ADGRL3: variants seen among roughly 807,000 people sequenced by gnomAD.
The protein encoded by ADGRL3 is adhesion G protein-coupled receptor L3.
ADGRL3 carries 62 observed loss-of-function variants against 153.5 expected under a neutral mutation model. That is an observed-to-expected ratio of 0.40 (90% CI 0.33 to 0.50). The LOEUF is 0.50. Ranked by LOEUF, ADGRL3 falls within the 20% of genes least tolerant of loss-of-function variation. The pLI is 0.47. For synonymous variants in ADGRL3, 710 were observed against 672.5 expected (o/e 1.06, Z -0.86); for missense variants, 1,641 against 1,859.4 (o/e 0.88, Z 2.16).
At chr4:61,589,612 G>C (rs1017716156) in intron 5 of ADGRL3, among the ~76,000 whole-genome samples, 1 of 151,902 alleles carries the variant, frequency 6.6e-6, no homozygotes, top group Non-Finnish European at 1.5e-5. Context: ...CTATATCAGA[G>C]TCTAAACGTT....
At chr4:61,594,382 G>A (rs962314462) in intron 5 of ADGRL3, among the ~76,000 whole-genome samples, 1 of 152,066 alleles carries the variant, frequency 6.6e-6, no homozygotes, top group African/African-American at 2.4e-5. Context: ...TCAGTGTTTG[G>A]TAATTAAAGA....
At chr4:61,905,821 G>T (rs1432821673) in intron 11 of ADGRL3, among the ~76,000 whole-genome samples, 1 of 151,532 alleles carries the variant, frequency 6.6e-6, no homozygotes, top group Non-Finnish European at 1.5e-5. Flanking sequence ...CTTGAACTGG[G>T]GAGACAGAGG....
intron 24 of ADGRL3, among the ~76,000 whole-genome samples, chr4:62,039,124 T>C (rs192401370): frequency 6.6e-6 from 1 of 152,178 alleles, no homozygotes; most frequent in Non-Finnish European, 1.5e-5. Context: ...CATTTTTTAT[T>C]TGATGGATGT....
At chr4:61,775,663 A>T (rs941560935) in intron 8 of ADGRL3, 1 of 1,509,816 alleles carries the variant, frequency 6.6e-7, no homozygotes, top group Admixed American at 1.7e-5. Flanking sequence ...CACCAACTTG[A>T]CATACATCAC....
chr4:62,029,363 G>A (rs72640025), intron 22 of ADGRL3, among the ~76,000 whole-genome samples: 28,728 of 151,440 alleles, frequency 0.19, 3,002 homozygotes, highest in Middle Eastern at 0.26. Flanking sequence ...AGAAAAAAAT[G>A]CCTTCTTCAA....
chr4:61,575,658 A>C (rs1227233745), intron 4 of ADGRL3, among the ~76,000 whole-genome samples: 1 of 152,084 alleles, frequency 6.6e-6, no homozygotes, highest in Non-Finnish European at 1.5e-5. Context: ...TTTGTTGGAC[A>C]AATTAATGAA....
At chr4:61,822,659 T>C (rs1429149008) in intron 9 of ADGRL3, among the ~76,000 whole-genome samples, 1 of 152,184 alleles carries the variant, frequency 6.6e-6, no homozygotes, top group Non-Finnish European at 1.5e-5. Flanking sequence ...TAGCATACTC[T>C]TTCTGCCCCT....
At chr4:61,464,031 T>C (rs2097852706) in intron 2 of ADGRL3, among the ~76,000 whole-genome samples, 1 of 152,186 alleles carries the variant, frequency 6.6e-6, no homozygotes, top group South Asian at 2.1e-4. Flanking sequence ...TACGCACATC[T>C]ACTTAACACA....
At chr4:62,066,387 C>T (rs1266110053) in intron 25 of ADGRL3, among the ~76,000 whole-genome samples, 2 of 151,940 alleles carry the variant, frequency 1.3e-5, no homozygotes, top group African/African-American at 4.8e-5. Flanking sequence ...TTGGTTGTAA[C>T]ACCATTTATT....
chr4:61,277,296 T>A (rs2093511172), intron 1 of ADGRL3, among the ~76,000 whole-genome samples: 1 of 152,146 alleles, frequency 6.6e-6, no homozygotes, highest in South Asian at 2.1e-4. Context: ...TGAATGCGAT[T>A]TTTAGAACGG....
At position 61,377,607 on chromosome 4, in the gene ADGRL3, CATAA is replaced by C. The variant is rs546141271; in HGVS notation, c.-239-5508_-239-5505del. Among the ~76,000 whole-genome samples, 704 of 152,004 alleles carry C rather than the reference CATAA, an allele frequency of 4.6e-3. 6 individuals carry two copies. Among genetic ancestry groups the C allele is most frequent in the African/African-American group, 0.016 (673 of 41,496 alleles). ...AAAAGGTGAGGGATTTTTTTCATAG[CATAA>C]ATAAATAATCAGTGAGATTTTAAAT... On this transcript the variant is annotated intron_variant, in intron 1 of 26. Transcript: ENST00000683033.
At chr4:61,286,708 A>C (rs1421552091) in intron 1 of ADGRL3, among the ~76,000 whole-genome samples, 1 of 151,618 alleles carries the variant, frequency 6.6e-6, no homozygotes, top group Admixed American at 6.6e-5. Context: ...GTAAATTCTT[A>C]TGTAAATTTA....
intron 2 of ADGRL3, among the ~76,000 whole-genome samples, chr4:61,486,049 T>C (rs1005473069): frequency 1.3e-5 from 2 of 152,094 alleles, no homozygotes; most frequent in Non-Finnish European, 2.9e-5. Flanking sequence ...GTTCACGCCA[T>C]TCTCCTGCCT....
In ADGRL3 at chr4:61,813,660, T is replaced by C. The variant is rs1196389818; in HGVS notation, c.1400-149T>C. On this transcript the variant is annotated intron_variant, in intron 8 of 26. Coordinates refer to ENST00000683033, the MANE Select transcript of ADGRL3 (RefSeq NM_001387552.1). ...AATTGGGTGATGTTCGGATGACACA[T>C]TGTTTTTATGTTTGGGCAGATATGT... 14 of 742,694 alleles carry C rather than the reference T, an allele frequency of 1.9e-5. 1 individual carries two copies. The highest frequency in any genetic ancestry group is 1.2e-4 in the East Asian group (4 of 34,640). 46.0% of individuals were successfully genotyped at this position (742,694 alleles called of 1,614,324 possible).
chr4:61,392,795 A>G (rs1251686098), intron 2 of ADGRL3, among the ~76,000 whole-genome samples: 4 of 151,536 alleles, frequency 2.6e-5, no homozygotes, highest in African/African-American at 9.7e-5. Context: ...CTAGTATACA[A>G]AACCTCTCAG....
chr4:61,212,762 G>T (rs1166882979), intron 1 of ADGRL3, among the ~76,000 whole-genome samples: 2 of 152,188 alleles, frequency 1.3e-5, no homozygotes, highest in African/African-American at 2.4e-5. Context: ...CTAATTAGCA[G>T]AAATCTTATG....
chr4:61,422,108 A>G (rs1325324111), intron 2 of ADGRL3, among the ~76,000 whole-genome samples: 1 of 152,170 alleles, frequency 6.6e-6, no homozygotes, highest in South Asian at 2.1e-4. Flanking sequence ...GCCCCAACAA[A>G]GTGAGAGACT....
At chr4:61,506,382 G>A (rs1312242986) in intron 3 of ADGRL3, among the ~76,000 whole-genome samples, 11 of 151,964 alleles carry the variant, frequency 7.2e-5, no homozygotes, top group Admixed American at 7.2e-4. Context: ...CTTTTTCAAA[G>A]ACTGCATTGT....
intron 9 of ADGRL3, among the ~76,000 whole-genome samples, chr4:61,822,858 G>C (rs2097767994): frequency 6.6e-6 from 1 of 151,906 alleles, no homozygotes; most frequent in Non-Finnish European, 1.5e-5. Context: ...GTATTCAAAG[G>C]GTGTTAAATA....
Sources: gnomAD v4.1 joint callset for allele counts (sites outside exome capture counted in the v4.1 genomes callset) on GRCh38, gnomAD v4.1.1 for gene constraint, MANE v1.5 for transcripts, NCBI Gene and HGNC (gene_info 2026-07-23, HGNC 2026-07-21) for gene names.